ZDHHC14: variants seen among roughly 807,000 people sequenced by gnomAD.
ZDHHC14 encodes zDHHC palmitoyltransferase 14, also known as palmitoyltransferase ZDHHC14.
Under a neutral mutation model 47.7 loss-of-function variants are expected in ZDHHC14, and 16 were observed. The observed-to-expected ratio is 0.34, with a 90% confidence interval of 0.23 to 0.51. ZDHHC14 has a LOEUF of 0.51. ZDHHC14 is among the 20% of genes least tolerant of loss of function. The pLI, the probability that ZDHHC14 is intolerant of heterozygous loss-of-function variation, is 0.97. For synonymous variants in ZDHHC14, 293 were observed against 278.9 expected, an observed-to-expected ratio of 1.05 and a Z score of -0.50; for missense variants, 515 against 662.5, an observed-to-expected ratio of 0.78 and a Z score of 2.44.
At chr6:157,456,406 C>T (rs994490456) in intron 1 of ZDHHC14, among the ~76,000 whole-genome samples, 7 of 152,226 alleles carry the variant, frequency 4.6e-5, no homozygotes, top group Non-Finnish European at 1.0e-4. Flanking sequence ...GGCCTAGAGT[C>T]CAGGCTCTCC....
intron 3 of ZDHHC14, among the ~76,000 whole-genome samples, chr6:157,624,597 G>A (rs190149198): frequency 2.1e-4 from 32 of 152,310 alleles, no homozygotes; most frequent in South Asian, 4.1e-4. Context: ...AAAATACTCA[G>A]TAAAGGCAGT....
Position 157,466,423 on chromosome 6 carries a change from A to G in ZDHHC14, c.246-76162A>G, listed in dbSNP as rs139664176. 4.7e-4 allele frequency among the ~76,000 whole-genome samples: 71 copies of G among 152,384 alleles called. No homozygotes were observed. The East Asian group carries it at 0.011, about 24-fold the overall frequency. On this transcript the variant is annotated intron_variant, in intron 1 of 8. Coordinates refer to ENST00000359775, the MANE Select transcript of ZDHHC14 (RefSeq NM_024630.3). ...GGGTTTAGGACTGTGCTTGGCACAC[A>G]GGAGGCACTCAGGAATATTTGTTGA...
intron 2 of ZDHHC14, among the ~76,000 whole-genome samples, chr6:157,567,535 G>T (rs796717292): frequency 1.3e-5 from 2 of 152,166 alleles, no homozygotes; most frequent in African/African-American, 4.8e-5. Flanking sequence ...AGTTGAACCC[G>T]CCGGGCGCCG....
chr6:157,575,480 A>G (rs992332151), intron 2 of ZDHHC14, among the ~76,000 whole-genome samples: 2 of 152,264 alleles, frequency 1.3e-5, no homozygotes, highest in Admixed American at 1.3e-4. Flanking sequence ...TCTCCCGCTT[A>G]CACTGTGCTC....
chr6:157,501,311 A>T (rs1219658102), intron 1 of ZDHHC14, among the ~76,000 whole-genome samples: 3 of 152,216 alleles, frequency 2.0e-5, no homozygotes, highest in Non-Finnish European at 4.4e-5. Flanking sequence ...TTTGTCTAAG[A>T]CAACTATGCA....
At chr6:157,516,369 A>AT (rs1389123461) in intron 1 of ZDHHC14, among the ~76,000 whole-genome samples, 1 of 152,184 alleles carries the variant, frequency 6.6e-6, no homozygotes, top group East Asian at 1.9e-4. Flanking sequence ...TCCTAAGGTA[A>AT]TTTTATCTCA....
At chr6:157,580,504 A>G (rs1562490791) in intron 2 of ZDHHC14, among the ~76,000 whole-genome samples, 1 of 152,164 alleles carries the variant, frequency 6.6e-6, no homozygotes, top group Non-Finnish European at 1.5e-5. Flanking sequence ...TTCGGCTGTG[A>G]ATCCATCTGG....
intron 8 of ZDHHC14, among the ~76,000 whole-genome samples, chr6:157,665,885 G>A (rs1022181348): frequency 1.4e-4 from 22 of 152,274 alleles, no homozygotes; most frequent in African/African-American, 5.3e-4. Context: ...ATAATGTGAT[G>A]GGTGTGACCA....
Position 157,381,572 on chromosome 6 carries a change from A to G in ZDHHC14, c.-450A>G. The stretch of plus-strand genomic sequence containing the variant: ...CGCGCCGCAGAAGTGGCTCCCGAGG[A>G]AGCCGGCGCCGGGGCCGCCGCCTCG... On this transcript the variant is annotated 5_prime_UTR_variant, in exon 1 of 9. Coordinates refer to ENST00000359775, the MANE Select transcript of ZDHHC14 (RefSeq NM_024630.3). The G allele has an allele frequency of 2.5e-6, 1 of 395,744 alleles. No homozygotes were observed. 24.5% of individuals were successfully genotyped at this position (395,744 alleles called of 1,614,324 possible).
chr6:157,633,079 C>T (rs535330292), intron 5 of ZDHHC14, among the ~76,000 whole-genome samples, 197 bp downstream of exon 5: 8 of 152,094 alleles, frequency 5.3e-5, no homozygotes, highest in African/African-American at 1.9e-4. Flanking sequence ...CTGTTTAAAT[C>T]GAGGGCTAGG....
intron 5 of ZDHHC14, 50 bp from the exon 6 acceptor site, chr6:157,645,687 C>A: frequency 6.7e-7 from 1 of 1,496,458 alleles, no homozygotes; most frequent in Non-Finnish European, 9.2e-7. Flanking sequence ...CCATCACATC[C>A]ACTTCTTGCG....
chr6:157,569,307 T>C (rs1476877160), intron 2 of ZDHHC14, among the ~76,000 whole-genome samples: 2 of 152,180 alleles, frequency 1.3e-5, no homozygotes, highest in East Asian at 3.9e-4. Context: ...AAGGTGTGGT[T>C]TTAACTTCAG....
At chr6:157,616,812 C>T (rs1784982950) in intron 3 of ZDHHC14, among the ~76,000 whole-genome samples, 1 of 152,182 alleles carries the variant, frequency 6.6e-6, no homozygotes, top group African/African-American at 2.4e-5. Context: ...CTTCTGCACA[C>T]CTGAGAGTCA....
In ZDHHC14 at chr6:157,577,177, C is replaced by A. The variant is rs374313331; in HGVS notation, c.407-15811C>A. Among the ~76,000 whole-genome samples the A allele has an allele frequency of 3.9e-5, 6 of 152,298 alleles. No homozygotes were observed. In the East Asian group the frequency reaches 9.7e-4, roughly 25 times the overall value. On this transcript the variant is annotated intron_variant, in intron 2 of 8. Transcript: ENST00000359775. ...ATGACCTCCAGCTCTATCCATGTTG[C>A]TACAGTGAACATGATTTCATTCTTT...
At chr6:157,425,193 T>C (rs1778192181) in intron 1 of ZDHHC14, among the ~76,000 whole-genome samples, 1 of 152,220 alleles carries the variant, frequency 6.6e-6, no homozygotes. Flanking sequence ...TCTTGTTTCA[T>C]TTACTGTTAA....
Position 157,463,562 on chromosome 6 carries a change from T to C in ZDHHC14, c.246-79023T>C, listed in dbSNP as rs1169150382. On this transcript the variant is annotated intron_variant, in intron 1 of 8. Coordinates refer to ENST00000359775, the MANE Select transcript of ZDHHC14 (RefSeq NM_024630.3). The surrounding 1 kb of genome is among the most constrained non-coding windows in gnomAD (Gnocchi z 4.4). ...TACAGGAAGAATCATCAGAAAGGAA[T>C]GTAAGACAGCAGCTCCATCCAGTAT... Among the ~76,000 whole-genome samples the C allele has an allele frequency of 6.6e-6, 1 of 152,148 alleles. No individual in the cohort carries two copies. The highest frequency in any genetic ancestry group is 1.5e-5 in the Non-Finnish European group (1 of 68,022).
chr6:157,442,287 G>A (rs185103304), intron 1 of ZDHHC14, among the ~76,000 whole-genome samples: 131 of 152,308 alleles, frequency 8.6e-4, no homozygotes, highest in Non-Finnish European at 1.7e-3. Flanking sequence ...AGAGGCTGAG[G>A]TGGGAGAATC....
chr6:157,403,423 C>T (rs1328233131), intron 1 of ZDHHC14, among the ~76,000 whole-genome samples: 1 of 152,034 alleles, frequency 6.6e-6, no homozygotes, highest in African/African-American at 2.4e-5. Context: ...AATGTTTTAC[C>T]CTTACTCAAC....
intron 3 of ZDHHC14, among the ~76,000 whole-genome samples, chr6:157,618,795 C>T (rs139712926): frequency 0.032 from 4,839 of 152,136 alleles, 276 homozygotes; most frequent in African/African-American, 0.11. Context: ...ATATGATGAC[C>T]CTCCACACAC....
Sources: allele counts gnomAD v4.1 joint callset (sites outside exome capture counted in the v4.1 genomes callset), GRCh38; gene constraint gnomAD v4.1.1; non-coding constraint Gnocchi (gnomAD v3.1); transcripts MANE v1.5; gene names NCBI Gene and HGNC (gene_info 2026-07-23, HGNC 2026-07-21).